The following EPHA8 variants were observed in gnomAD, a reference collection of about 807,000 sequenced individuals.
EPHA8 encodes the protein ephrin type-A receptor 8.
EPHA8 carries 58 observed loss-of-function variants against 103.6 expected under a neutral mutation model. The observed-to-expected ratio is 0.56, with a 90% confidence interval of 0.45 to 0.70. The LOEUF (loss-of-function observed/expected upper bound fraction) is 0.70, where lower values mean the gene tolerates loss of function less well. EPHA8 is among the 30% of genes least tolerant of loss of function. The probability of loss-of-function intolerance (pLI) is 0.00; values close to 1 mark genes in which losing one functional copy is unlikely to be tolerated. For synonymous variants in EPHA8, 559 were observed against 572.5 expected, an observed-to-expected ratio of 0.98 and a Z score of 0.34; for missense variants, 1,304 against 1,395.2, an observed-to-expected ratio of 0.93 and a Z score of 1.04.
rs1159132879 is a variant in EPHA8, at chr1:22,583,462, G to A, written c.824-3018G>A. ...ACGGTGCTGGGAGGACGGGGGGAAA[G>A]GCCATAGCTCCAGAGGCTCCCCCGC... On this transcript the variant is annotated intron_variant, in intron 3 of 16. Transcript: ENST00000166244. Among the ~76,000 whole-genome samples the A allele has an allele frequency of 3.3e-5, 5 of 152,328 alleles. No homozygotes were observed. In the South Asian group the frequency reaches 8.3e-4, roughly 25 times the overall value.
At chr1:22,586,665 TTGAGCCCAAGAC>T (rs748046581) in intron 4 of EPHA8, 30 bp downstream of exon 4, 1 of 1,608,730 alleles carries the variant, frequency 6.2e-7, no homozygotes, top group Non-Finnish European at 8.5e-7. Flanking sequence ...GCCAGTACCC[TTGAGCCCAAGAC>T]TGGGCCGGGC....
Position 22,601,444 on chromosome 1 carries a change from T to C in EPHA8, c.2874T>C (p.Ser958=). Residue 958 remains serine (S), a synonymous_variant, in exon 16 of 17, where the codon TCT becomes TCC. Coordinates refer to ENST00000166244, the MANE Select transcript of EPHA8 (RefSeq NM_020526.5). ...ACTTCGCTGCGGGCGGATACTCCTC[T>C]CTGGGCATGGTGCTACGCATGAACG... ...RDHFAAGGYS[S]LGMVLRMNAQ... 2 of 1,610,196 alleles carry C rather than the reference T, an allele frequency of 1.2e-6. No homozygotes were observed. The highest frequency in any genetic ancestry group is 1.7e-6 in the Non-Finnish European group (2 of 1,179,760).
intron 3 of EPHA8, among the ~76,000 whole-genome samples, chr1:22,577,961 G>T: frequency 8.1e-6 from 1 of 124,130 alleles, no homozygotes; most frequent in Non-Finnish European, 1.7e-5. Context: ...GTATGCATGT[G>T]TGTGCATGTG....
intron 3 of EPHA8, among the ~76,000 whole-genome samples, chr1:22,578,613 GTA>G (rs1299044430): frequency 5.0e-4 from 76 of 151,340 alleles, no homozygotes; most frequent in Admixed American, 1.2e-3. Context: ...GTGCATGAGT[GTA>G]TGTCTGCGTG....
intron 5 of EPHA8, among the ~76,000 whole-genome samples, chr1:22,591,764 C>T (rs1047313074): frequency 2.0e-5 from 3 of 152,270 alleles, no homozygotes; most frequent in African/African-American, 7.2e-5. Flanking sequence ...AGGCCGTGGC[C>T]TGGCTTCTCC....
intron 5 of EPHA8, 127 bp from the exon 6 acceptor site, chr1:22,593,199 T>G: frequency 7.2e-7 from 1 of 1,384,384 alleles, no homozygotes; most frequent in East Asian, 2.5e-5. Context: ...GTCCTGGGGC[T>G]GGGGCAGGAC....
chr1:22,583,774 G>A (rs980911246), intron 3 of EPHA8, among the ~76,000 whole-genome samples: 2 of 152,204 alleles, frequency 1.3e-5, no homozygotes, highest in Admixed American at 1.3e-4. Flanking sequence ...GGGGTTAGAC[G>A]AGGACAGGAA....
intron 5 of EPHA8, among the ~76,000 whole-genome samples, chr1:22,591,320 G>A (rs1328788456): frequency 6.6e-6 from 1 of 152,042 alleles, no homozygotes; most frequent in Non-Finnish European, 1.5e-5. Context: ...GATCTCCGGA[G>A]CCCAAGTGAT....
rs756915760 is a variant in EPHA8, at chr1:22,582,695, A to G, written c.824-3785A>G. Among the ~76,000 whole-genome samples the G allele has an allele frequency of 1.6e-4, 24 of 152,092 alleles. 1 individual carries two copies. Among genetic ancestry groups the G allele is most frequent in the Non-Finnish European group, 2.9e-4 (20 of 68,018 alleles). ...GCCCAGAGGAAGCTCCCCACACTCCACAACTCCGGATCCAGTGACCTCCCC... is the reference window on the plus strand; with the variant it reads ...GCCCAGAGGAAGCTCCCCACACTCCGCAACTCCGGATCCAGTGACCTCCCC... On this transcript the variant is annotated intron_variant, in intron 3 of 16. Transcript: ENST00000166244.
Position 22,598,724 on chromosome 1 carries a change from A to G in EPHA8, c.2179-114A>G. ...CTTCAGAAGTAGTGGCGCACTTGGC[A>G]AATTGCAAAGCACCGTCTCAACTCG... On this transcript the variant is annotated intron_variant, in intron 12 of 16. Coordinates refer to ENST00000166244, the MANE Select transcript of EPHA8 (RefSeq NM_020526.5). This position sits in a 1 kb window ranked among gnomAD's most constrained non-coding sequence, Gnocchi z 5.1. 1 of 1,095,938 alleles carries G rather than the reference A, an allele frequency of 9.1e-7. No individual in the cohort carries two copies. Among genetic ancestry groups the G allele is most frequent in the Non-Finnish European group, 1.3e-6 (1 of 763,238 alleles). The allele number at this position is 1,095,938 out of a possible 1,614,324, so 67.9% of individuals were successfully genotyped here.
At chr1:22,578,140 GTGTA>G (rs1399659780) in intron 3 of EPHA8, among the ~76,000 whole-genome samples, 3 of 93,036 alleles carry the variant, frequency 3.2e-5, no homozygotes, top group South Asian at 4.9e-4. Flanking sequence ...GTGTGCATGT[GTGTA>G]TGTGTGCGTG....
rs1284621908 is a variant in EPHA8, at chr1:22,589,335, G to T, written c.1315+129G>T. Reference sequence around the variant, plus strand: ...TAGGCAAGTGCCTCTCTGGCCCTGCGCTCCTCACCAGGACCCAGAGCTGGA... The same window carrying T: ...TAGGCAAGTGCCTCTCTGGCCCTGCTCTCCTCACCAGGACCCAGAGCTGGA... On this transcript the variant is annotated intron_variant, in intron 5 of 16. Transcript: ENST00000166244. This position sits in a 1 kb window ranked among gnomAD's most constrained non-coding sequence, Gnocchi z 4.3. The T allele has an allele frequency of 3.7e-6, 6 of 1,604,642 alleles. No homozygotes were observed. Among genetic ancestry groups the T allele is most frequent in the Non-Finnish European group, 5.1e-6 (6 of 1,176,676 alleles).
Position 22,589,046 on chromosome 1 carries a change from T to A in EPHA8, c.1155T>A (p.Phe385Leu). The change falls in exon 5 of 17, where the codon TTT becomes TTA. Residue 385 changes from phenylalanine to leucine, a missense_variant. By Grantham distance (22) the Phe-to-Leu change is conservative. Transcript: ENST00000166244. This position sits in a 1 kb window ranked among gnomAD's most constrained non-coding sequence, Gnocchi z 4.3. The part of the protein sequence containing the change: ...RCEACGSGTR[F>L]VPQQTSLVQA... ...AGGCATGTGGGAGCGGCACCCGCTT[T>A]GTGCCCCAGCAGACAAGCCTGGTGC... 1 of 1,612,916 alleles carries A rather than the reference T, an allele frequency of 6.2e-7. No individual in the cohort carries two copies. The highest frequency in any genetic ancestry group is 1.3e-5 in the African/African-American group (1 of 75,054).
At chr1:22,578,195 T>C (rs12760493) in intron 3 of EPHA8, among the ~76,000 whole-genome samples, 2 of 105,920 alleles carry the variant, frequency 1.9e-5, no homozygotes, top group Non-Finnish European at 4.1e-5. Flanking sequence ...CGTGCATGTG[T>C]GTGCGTGCGA....
chr1:22,601,441 C>T lies in EPHA8; in HGVS notation c.2871C>T (p.Ser957=). Residue 957 remains serine (S), a synonymous_variant, in exon 16 of 17, where the codon TCC becomes TCT. Transcript: ENST00000166244. ...ACCACTTCGCTGCGGGCGGATACTC[C>T]TCTCTGGGCATGGTGCTACGCATGA... The part of the protein sequence containing the change: ...YRDHFAAGGY[S]SLGMVLRMNA... 4 of 1,610,550 alleles carry T rather than the reference C, an allele frequency of 2.5e-6. No homozygotes were observed. The highest frequency in any genetic ancestry group is 3.4e-6 in the Non-Finnish European group (4 of 1,179,812).
At chr1:22,587,786 C>T (rs778397924) in intron 4 of EPHA8, among the ~76,000 whole-genome samples, 6 of 152,206 alleles carry the variant, frequency 3.9e-5, no homozygotes, top group Non-Finnish European at 5.9e-5. Flanking sequence ...ACATGGCAGG[C>T]GAGGGCCCAG....
intron 2 of EPHA8, among the ~76,000 whole-genome samples, chr1:22,575,203 G>A (rs565692391): frequency 2.4e-4 from 36 of 152,010 alleles, no homozygotes; most frequent in South Asian, 2.1e-3. Context: ...CACCTGCTTC[G>A]GCCTCCCAAA....
intron 1 of EPHA8, among the ~76,000 whole-genome samples, chr1:22,564,530 G>A (rs1467893202): frequency 6.6e-6 from 1 of 151,978 alleles, no homozygotes. Context: ...GTCACTCTGG[G>A]GCCCTGTGTG....
intron 1 of EPHA8, among the ~76,000 whole-genome samples, chr1:22,566,383 C>T (rs1378666440): frequency 2.0e-5 from 3 of 152,148 alleles, no homozygotes; most frequent in Admixed American, 6.5e-5. Flanking sequence ...TGGGGGAAGG[C>T]GACGGTGCTG....
Sources: allele counts gnomAD v4.1 joint callset (sites outside exome capture counted in the v4.1 genomes callset), GRCh38; gene constraint gnomAD v4.1.1; non-coding constraint Gnocchi (gnomAD v3.1); transcripts MANE v1.5; gene names NCBI Gene and HGNC (gene_info 2026-07-23, HGNC 2026-07-21).